Variants in SGK1 observed in about 807,000 individuals in gnomAD.
SGK1 encodes serine/threonine-protein kinase Sgk1.
A neutral mutation model predicts 64.2 loss-of-function variants in SGK1; 26 were observed. That is an observed-to-expected ratio of 0.40 (90% CI 0.30 to 0.56). The LOEUF is 0.56. Ranked by LOEUF, SGK1 falls within the 20% of genes least tolerant of loss-of-function variation. The probability of loss-of-function intolerance (pLI) is 0.38; values close to 1 mark genes in which losing one functional copy is unlikely to be tolerated. For synonymous variants in SGK1, 265 were observed against 239.7 expected, an observed-to-expected ratio of 1.11 and a Z score of -0.98; for missense variants, 519 against 645.6, an observed-to-expected ratio of 0.80 and a Z score of 2.12.
intron 2 of SGK1, among the ~76,000 whole-genome samples, chr6:134,255,913 G>A (rs1262564912): frequency 1.3e-5 from 2 of 151,922 alleles, no homozygotes; most frequent in Non-Finnish European, 2.9e-5. Context: ...GCTATTACTA[G>A]GAAGTATGAG....
At chr6:134,239,013 T>C (rs947995999) in intron 2 of SGK1, among the ~76,000 whole-genome samples, 1 of 152,162 alleles carries the variant, frequency 6.6e-6, no homozygotes, top group Non-Finnish European at 1.5e-5. Flanking sequence ...ATGAAAATGG[T>C]CAAATATATT....
chr6:134,182,376 G>A (rs906594167), intron 3 of SGK1, among the ~76,000 whole-genome samples: 2 of 151,440 alleles, frequency 1.3e-5, no homozygotes, highest in South Asian at 2.1e-4. Flanking sequence ...GTGAAACCCC[G>A]TCTCTACTAA....
At chr6:134,279,773 C>T (rs546744691) in intron 1 of SGK1, among the ~76,000 whole-genome samples, 2 of 152,240 alleles carry the variant, frequency 1.3e-5, no homozygotes, top group East Asian at 3.9e-4. Context: ...ATAAAACCAG[C>T]ACTCAAAAAG....
intron 2 of SGK1, among the ~76,000 whole-genome samples, chr6:134,233,786 G>A (rs1473501096): frequency 6.0e-5 from 9 of 151,194 alleles, no homozygotes; most frequent in Non-Finnish European, 1.0e-4. Context: ...AAATTGGCAT[G>A]GTTATTCTAC....
At chr6:134,185,260 G>T (rs1287810103) in intron 3 of SGK1, among the ~76,000 whole-genome samples, 1 of 152,132 alleles carries the variant, frequency 6.6e-6, no homozygotes, top group Non-Finnish European at 1.5e-5. Flanking sequence ...CTGTCTTGCA[G>T]CCATGAAGTT....
chr6:134,178,535 CCT>C (rs1486480074), intron 3 of SGK1, among the ~76,000 whole-genome samples: 1 of 152,218 alleles, frequency 6.6e-6, no homozygotes, highest in Non-Finnish European at 1.5e-5. Flanking sequence ...CTGTCGCCAG[CCT>C]CTTTCTTTGG....
chr6:134,170,808 A>G lies in SGK1; in HGVS notation c.1413+18T>C. ...CCCTTTGGGCTTCTCTATACTTAGA[A>G]GAGAGACAGATACTCACCACATTTG... On this transcript the variant is annotated intron_variant, in intron 13 of 13. Coordinates refer to ENST00000367858, the MANE Select transcript of SGK1 (RefSeq NM_001143676.3). The G allele has an allele frequency of 6.7e-7, 1 of 1,503,222 alleles. No individual in the cohort carries two copies. The highest frequency in any genetic ancestry group is 2.3e-5 in the East Asian group (1 of 44,312). 93.1% of individuals were successfully genotyped at this position (1,503,222 alleles called of 1,614,324 possible). A position where few individuals can be genotyped will look rare whatever the true frequency, so the allele number is the denominator to read the frequency against.
chr6:134,269,826 G>A (rs1388149131), intron 1 of SGK1, among the ~76,000 whole-genome samples: 1 of 147,954 alleles, frequency 6.8e-6, no homozygotes, highest in Non-Finnish European at 1.5e-5. Context: ...TTCATAGCAT[G>A]TCTCCTAAAA....
chr6:134,176,381 A>G (rs1021078004), intron 3 of SGK1, among the ~76,000 whole-genome samples: 1 of 152,230 alleles, frequency 6.6e-6, no homozygotes, highest in South Asian at 2.1e-4. Context: ...TGCAGAAGGC[A>G]GGGAAGAGAG....
intron 1 of SGK1, among the ~76,000 whole-genome samples, chr6:134,286,795 T>C (rs1777191436): frequency 1.3e-5 from 2 of 152,096 alleles, no homozygotes; most frequent in African/African-American, 2.4e-5. Flanking sequence ...AAAAAGAGTA[T>C]ATTTAGTTAT....
At chr6:134,193,753 C>A (rs1018901915) in intron 3 of SGK1, among the ~76,000 whole-genome samples, 2 of 65,434 alleles carry the variant, frequency 3.1e-5, no homozygotes, top group African/African-American at 6.0e-5. Flanking sequence ...CTGCAAGGAA[C>A]AGTTAAAAAA....
intron 2 of SGK1, among the ~76,000 whole-genome samples, chr6:134,243,706 T>C (rs1293196167): frequency 2.0e-5 from 3 of 152,190 alleles, no homozygotes; most frequent in African/African-American, 7.2e-5. Context: ...TTGATGAAAT[T>C]AAATTGTTAC....
chr6:134,213,288 G>A (rs1444660470), intron 2 of SGK1, among the ~76,000 whole-genome samples: 3 of 152,048 alleles, frequency 2.0e-5, no homozygotes, highest in African/African-American at 7.2e-5. Context: ...TTGGGAGGTT[G>A]AGGCAGGCAG....
In SGK1 at chr6:134,207,574, C is replaced by G. The variant is rs1582711469; in HGVS notation, c.286-143G>C. The G allele has an allele frequency of 6.1e-6, 4 of 652,884 alleles. No homozygotes were observed. In the East Asian group the frequency reaches 1.1e-4, roughly 18 times the overall value. 40.4% of individuals were successfully genotyped at this position (652,884 alleles called of 1,614,324 possible). The stretch of plus-strand genomic sequence containing the variant: ...TGTGCTCTAATTAGGGTGGTTTTCT[C>G]AGGACCGTGCTGGGTATAGCACTGA... On this transcript the variant is annotated intron_variant, in intron 2 of 13. Transcript: ENST00000367858.
intron 10 of SGK1, 89 bp from the exon 11 acceptor site, chr6:134,171,821 C>T (rs1775036568): frequency 3.6e-6 from 3 of 826,562 alleles, no homozygotes; most frequent in Non-Finnish European, 5.9e-6. Context: ...AGCTGAGAGA[C>T]CCAGAGCCAG....
chr6:134,243,750 C>T (rs1220798376), intron 2 of SGK1, among the ~76,000 whole-genome samples: 1 of 152,194 alleles, frequency 6.6e-6, no homozygotes, highest in African/African-American at 2.4e-5. Flanking sequence ...ATTAACTCTG[C>T]ACTAATGAAT....
At chr6:134,187,481 C>T (rs1212793000) in intron 3 of SGK1, among the ~76,000 whole-genome samples, 2 of 152,202 alleles carry the variant, frequency 1.3e-5, no homozygotes, top group African/African-American at 4.8e-5. Flanking sequence ...GGAGAAGCAG[C>T]ACCATATACT....
At chr6:134,172,928 T>A (rs1411835470) in intron 8 of SGK1, 95 bp downstream of exon 8, 2 of 1,412,270 alleles carry the variant, frequency 1.4e-6, no homozygotes, top group Non-Finnish European at 2.0e-6. Context: ...GGTAACATTC[T>A]CCCCACCAAA....
At chr6:134,300,914 G>A (rs1777444474) in intron 1 of SGK1, among the ~76,000 whole-genome samples, 2 of 152,074 alleles carry the variant, frequency 1.3e-5, no homozygotes, top group Admixed American at 6.5e-5. Flanking sequence ...GATTACAGGC[G>A]TGAGCCACCG....
Sources: gnomAD v4.1 joint callset for allele counts (sites outside exome capture counted in the v4.1 genomes callset) on GRCh38, gnomAD v4.1.1 for gene constraint, MANE v1.5 for transcripts, NCBI Gene and HGNC (gene_info 2026-07-23, HGNC 2026-07-21) for gene names.